The following BTNL3 variants were observed in gnomAD, a reference collection of about 807,000 sequenced individuals.
The protein encoded by BTNL3 is butyrophilin like 3.
Under a neutral mutation model 40.1 loss-of-function variants are expected in BTNL3, and 20 were observed. That is an observed-to-expected ratio of 0.50 (90% CI 0.35 to 0.72). The LOEUF is 0.72. Ranked by LOEUF, BTNL3 falls within the 30% of genes least tolerant of loss-of-function variation. The probability of loss-of-function intolerance (pLI) is 0.01; values close to 1 mark genes in which losing one functional copy is unlikely to be tolerated. For synonymous variants in BTNL3, 179 were observed against 222.1 expected (o/e 0.81, Z 1.73); for missense variants, 449 against 582.2 (o/e 0.77, Z 2.35).
At chr5:181,005,290 G>C (rs10068582) in intron 7 of BTNL3, 44 bp from the exon 8 acceptor site, 178,878 of 1,602,214 alleles carry the variant, frequency 0.11, 12,080 homozygotes, top group African/African-American at 0.29. Flanking sequence ...CCCAGATTTC[G>C]TCTTCAGTAA....
Position 180,997,518 on chromosome 5 carries a change from G to T in BTNL3, c.673+30G>T, listed in dbSNP as rs1217214993. 4.1e-6 allele frequency: 6 copies of T among 1,462,326 alleles called. 2 individuals carry two copies. Among genetic ancestry groups the T allele is most frequent in the Admixed American group, 1.9e-5 (1 of 53,232 alleles). The allele number at this position is 1,462,326 out of a possible 1,614,324, so 90.6% of individuals were successfully genotyped here. On this transcript the variant is annotated intron_variant, in intron 3 of 7. Transcript: ENST00000342868. Reference sequence around the variant, plus strand: ...GTGGGGAGAAGGAGGAGCAAGGAATGGGTGTGTGCATACGTAACCCAGGGT... The same window carrying T: ...GTGGGGAGAAGGAGGAGCAAGGAATTGGTGTGTGCATACGTAACCCAGGGT...
rs1284890465 is a variant in BTNL3 at position 180,990,819 on chromosome 5, T to C, written c.49+1742T>C. On this transcript the variant is annotated intron_variant, in intron 1 of 7. Transcript: ENST00000342868. The stretch of plus-strand genomic sequence containing the variant: ...AGTGAAGCCAGCGGGAGGTAAGCCA[T>C]AGAGGGTGCGCTAATGAGCAGGTTG... Among the ~76,000 whole-genome samples, 5 of 136,182 alleles carry C rather than the reference T, an allele frequency of 3.7e-5. 1 individual carries two copies. The highest frequency in any genetic ancestry group is 8.4e-5 in the Non-Finnish European group (5 of 59,438). 89.3% of individuals were successfully genotyped at this position (136,182 alleles called of 152,430 possible).
intron 6 of BTNL3, 145 bp downstream of exon 6, chr5:181,004,588 A>C: frequency 6.3e-7 from 1 of 1,581,868 alleles, no homozygotes; most frequent in Non-Finnish European, 8.6e-7. Context: ...GGGGAGGTGC[A>C]TTTTGTAGAG....
rs1335549299 is a variant in BTNL3 at position 181,006,037 on chromosome 5, G to A, written c.*165G>A. ...CTGAGGTTCTTCTGCCCTGAGCCCT[G>A]CAGCAGCGGCAGTCACAGCTTCCAG... is the stretch of plus-strand genomic sequence containing the variant. On this transcript the variant is annotated 3_prime_UTR_variant, in exon 8 of 8. Coordinates refer to ENST00000342868, the MANE Select transcript of BTNL3 (RefSeq NM_197975.3). 6.8e-6 allele frequency: 5 copies of A among 732,338 alleles called. No individual in the cohort carries two copies. Among genetic ancestry groups the A allele is most frequent in the Non-Finnish European group, 1.1e-5 (5 of 474,822 alleles). The allele number at this position is 732,338 out of a possible 1,614,324, so 45.4% of individuals were successfully genotyped here. A position where few individuals can be genotyped will look rare whatever the true frequency, so the allele number is the denominator to read the frequency against.
chr5:180,997,935 T>C (rs575885734), intron 3 of BTNL3, among the ~76,000 whole-genome samples: 1 of 136,718 alleles, frequency 7.3e-6, no homozygotes, highest in African/African-American at 2.5e-5. Flanking sequence ...TTAAAAGGAT[T>C]GAATTTGCCA....
intron 7 of BTNL3, among the ~76,000 whole-genome samples, 154 bp from the exon 8 acceptor site, chr5:181,005,180 G>C (rs1760197641): frequency 6.6e-6 from 1 of 152,082 alleles, no homozygotes; most frequent in Non-Finnish European, 1.5e-5. Flanking sequence ...GTGAGGCACG[G>C]GGGCTGCCCT....
Position 180,997,572 on chromosome 5 carries a change from G to C in BTNL3, c.673+84G>C, listed in dbSNP as rs551648699. 8.2e-5 allele frequency: 116 copies of C among 1,421,302 alleles called. 15 individuals are homozygous for C. In the South Asian group the frequency reaches 1.3e-3, roughly 16 times the overall value. The allele number at this position is 1,421,302 out of a possible 1,614,324, so 88.0% of individuals were successfully genotyped here. A position where few individuals can be genotyped will look rare whatever the true frequency, so the allele number is the denominator to read the frequency against. ...GCAGCAGCTTGTGTCTGGGATTGTT[G>C]TGTAGTACCATCCAGCTTCAATGAT... On this transcript the variant is annotated intron_variant, in intron 3 of 7. Coordinates refer to ENST00000342868, the MANE Select transcript of BTNL3 (RefSeq NM_197975.3).
At chr5:181,000,409 T>C (rs771078220) in intron 3 of BTNL3, among the ~76,000 whole-genome samples, 1 of 137,326 alleles carries the variant, frequency 7.3e-6, no homozygotes, top group African/African-American at 2.5e-5. Flanking sequence ...CTTAATCTGA[T>C]AAAAAGATAT....
chr5:181,002,110 AT>A (rs1209769440), intron 3 of BTNL3, among the ~76,000 whole-genome samples: 1 of 133,692 alleles, frequency 7.5e-6, no homozygotes, highest in Non-Finnish European at 1.7e-5. Context: ...TCAGAGACAT[AT>A]CCCAAAGCTT....
chr5:181,001,567 C>A (rs1429232305), intron 3 of BTNL3, among the ~76,000 whole-genome samples: 1 of 134,072 alleles, frequency 7.5e-6, no homozygotes, highest in South Asian at 2.2e-4. Context: ...TCCTCCCGGC[C>A]AGGCGCGGTG....
At chr5:180,991,245 C>T (rs1240174520) in intron 1 of BTNL3, among the ~76,000 whole-genome samples, 1 of 137,736 alleles carries the variant, frequency 7.3e-6, no homozygotes, top group Non-Finnish European at 1.7e-5. Context: ...GAGTGAAATA[C>T]ATTTCAGCAA....
chr5:181,004,133 G>A, intron 5 of BTNL3: 2 of 1,329,434 alleles, frequency 1.5e-6, no homozygotes, highest in Non-Finnish European at 2.1e-6. Flanking sequence ...TGTGTGTGTG[G>A]TGGGGGGAGG....
In BTNL3 at chr5:180,992,973, G is replaced by A. The variant is rs759529807; in HGVS notation, c.210G>A (p.Gly70=). The A allele has an allele frequency of 2.7e-6, 4 of 1,462,060 alleles. 1 individual carries two copies. The African/African-American group carries it at 4.1e-5, about 15-fold the overall frequency. The allele number at this position is 1,462,060 out of a possible 1,614,324, so 90.6% of individuals were successfully genotyped here. Residue 70 remains glycine (G), a synonymous_variant, in exon 2 of 8, where the codon GGG becomes GGA. Transcript: ENST00000342868. ...CTGTGGTCCACCTCTACAGAGATGG[G>A]GAAGACTGGGAATCTAAGCAGATGC... ...FHAVVHLYRD[G]EDWESKQMPQ...
At position 181,006,400 on chromosome 5, in the gene BTNL3, G is replaced by A. The variant is rs540026907; in HGVS notation, c.*528G>A. On this transcript the variant is annotated 3_prime_UTR_variant, in exon 8 of 8. Transcript: ENST00000342868. ...CTTTTCTCTATACCAAATCACCCAT[G>A]GAATAGTTATTGAACACCTGCTTTG... 5 of 163,056 alleles carry A rather than the reference G, an allele frequency of 3.1e-5. No homozygotes were observed. The highest frequency in any genetic ancestry group is 9.5e-5 in the African/African-American group (4 of 42,042). 10.1% of individuals were successfully genotyped at this position (163,056 alleles called of 1,614,324 possible).
intron 2 of BTNL3, among the ~76,000 whole-genome samples, chr5:180,996,108 T>C (rs1760032625): frequency 7.3e-6 from 1 of 136,164 alleles, no homozygotes; most frequent in South Asian, 2.2e-4. Context: ...GGAAGTTCTG[T>C]TTGGAGTGGT....
chr5:181,001,621 G>A (rs1186329668), intron 3 of BTNL3, among the ~76,000 whole-genome samples: 1 of 134,244 alleles, frequency 7.4e-6, no homozygotes, highest in African/African-American at 2.6e-5. Context: ...CGAGACGGGA[G>A]GATCACGAGG....
intron 2 of BTNL3, among the ~76,000 whole-genome samples, chr5:180,994,942 C>A (rs147699215): frequency 0.033 from 4,430 of 135,058 alleles, 652 homozygotes; most frequent in African/African-American, 0.1. Flanking sequence ...CCTGCCACCA[C>A]GCCCGGCTAA....
At chr5:181,004,138 G>A (rs183244219) in intron 5 of BTNL3, among the ~76,000 whole-genome samples, 4 of 152,162 alleles carry the variant, frequency 2.6e-5, no homozygotes, top group Admixed American at 6.5e-5. Flanking sequence ...GTGTGGTGGG[G>A]GGAGGTGTTG....
chr5:180,995,826 CTGTG>C (rs1382404724), intron 2 of BTNL3, among the ~76,000 whole-genome samples: 1 of 135,458 alleles, frequency 7.4e-6, no homozygotes, highest in Non-Finnish European at 1.7e-5. Flanking sequence ...TGCTCAGCTG[CTGTG>C]TTTTTTTTCT....
Sources: allele counts gnomAD v4.1 joint callset (sites outside exome capture counted in the v4.1 genomes callset), GRCh38; gene constraint gnomAD v4.1.1; transcripts MANE v1.5; gene names NCBI Gene and HGNC (gene_info 2026-07-23, HGNC 2026-07-21).